The following SCHIP1 variants were observed in gnomAD, a reference collection of about 807,000 sequenced individuals.
The protein encoded by SCHIP1 is schwannomin-interacting protein 1.
In SCHIP1, 8 loss-of-function variants were observed where a neutral mutation model predicts 29.7. The ratio of observed to expected loss-of-function variants is 0.27; its 90% confidence interval spans 0.16 to 0.49. The LOEUF (loss-of-function observed/expected upper bound fraction) is 0.49. Among genes scored for constraint, SCHIP1 ranks in the 20% least tolerant of loss-of-function variants. The pLI is 0.99. For synonymous variants in SCHIP1, 76 were observed against 94.9 expected (o/e 0.80, Z 1.16); for missense variants, 193 against 294.6 (o/e 0.66, Z 2.52).
chr3:159,705,333 G>T, the SCHIP1 span, among the ~76,000 whole-genome samples: 3 of 152,076 alleles, frequency 2.0e-5, no homozygotes, highest in Non-Finnish European at 4.4e-5. Flanking sequence ...TGACCACATT[G>T]TCTTCAGGAA....
the SCHIP1 span, among the ~76,000 whole-genome samples, chr3:159,581,502 C>T: frequency 2.6e-5 from 4 of 152,178 alleles, no homozygotes; most frequent in Non-Finnish European, 4.4e-5. Flanking sequence ...GGGAGCCAAA[C>T]GCAAGGGTGG....
chr3:159,424,384 G>C, the SCHIP1 span, among the ~76,000 whole-genome samples: 4 of 152,174 alleles, frequency 2.6e-5, no homozygotes, highest in Non-Finnish European at 4.4e-5. Context: ...CGAGAACTAT[G>C]TGAAGAATGC....
the SCHIP1 span, among the ~76,000 whole-genome samples, chr3:159,389,299 T>C: frequency 1.3e-5 from 2 of 152,098 alleles, no homozygotes; most frequent in Admixed American, 6.6e-5. Flanking sequence ...TTTTATTTTA[T>C]ATATTTTTTC....
the SCHIP1 span, among the ~76,000 whole-genome samples, chr3:159,672,076 A>C: frequency 6.6e-6 from 1 of 152,234 alleles, no homozygotes; most frequent in Non-Finnish European, 1.5e-5. Flanking sequence ...AAAATCTGAT[A>C]TCTCACAAGG....
At chr3:159,593,032 C>G in the SCHIP1 span, among the ~76,000 whole-genome samples, 1 of 152,104 alleles carries the variant, frequency 6.6e-6, no homozygotes, top group African/African-American at 2.4e-5. Context: ...ATTGTGTGCC[C>G]TCCAACAACA....
chr3:159,390,980 A>G, the SCHIP1 span, among the ~76,000 whole-genome samples: 1 of 152,164 alleles, frequency 6.6e-6, no homozygotes, highest in Non-Finnish European at 1.5e-5. Context: ...AAAATGCTGA[A>G]ATCATCAGAG....
chr3:159,297,074 ATTG>A, the SCHIP1 span, among the ~76,000 whole-genome samples: 1 of 150,422 alleles, frequency 6.6e-6, no homozygotes, highest in Non-Finnish European at 1.5e-5. Flanking sequence ...AGGTTGATCC[ATTG>A]TTGTTGTAAG....
At chr3:159,432,740 T>C in the SCHIP1 span, among the ~76,000 whole-genome samples, 1 of 152,334 alleles carries the variant, frequency 6.6e-6, no homozygotes, top group East Asian at 1.9e-4. Flanking sequence ...CAGAGCATAC[T>C]ATCACTCAAT....
the SCHIP1 span, among the ~76,000 whole-genome samples, chr3:159,613,167 A>C: frequency 4.6e-5 from 7 of 152,214 alleles, no homozygotes; most frequent in Non-Finnish European, 8.8e-5. Context: ...TACTGTATAA[A>C]CCAAGACAAA....
chr3:159,703,943 GAGA>G, the SCHIP1 span, among the ~76,000 whole-genome samples: 1 of 152,072 alleles, frequency 6.6e-6, no homozygotes, highest in Non-Finnish European at 1.5e-5. Context: ...CACATCCTCT[GAGA>G]AGTTCTTCTT....
chr3:159,407,986 C>A, the SCHIP1 span, among the ~76,000 whole-genome samples: 2 of 152,080 alleles, frequency 1.3e-5, no homozygotes, highest in Non-Finnish European at 2.9e-5. Flanking sequence ...AAAGCAAGAG[C>A]AAAGCAAACC....
At chr3:159,379,706 T>C in the SCHIP1 span, among the ~76,000 whole-genome samples, 5 of 151,434 alleles carry the variant, frequency 3.3e-5, no homozygotes, top group South Asian at 6.2e-4. Flanking sequence ...CTCAGAGTTA[T>C]GGACACCATA....
the SCHIP1 span, among the ~76,000 whole-genome samples, chr3:159,383,058 G>C: frequency 1.3e-5 from 2 of 149,926 alleles, no homozygotes; most frequent in Middle Eastern, 3.4e-3. Flanking sequence ...TTTGTAGGTT[G>C]CCTGTTCACT....
rs1215811200 is a variant in SCHIP1 at position 159,892,202 on chromosome 3, T to A, written c.683+12T>A. ...GAAGACTTGACCAGGTCAGTGTGGC[T>A]TCACTCTTGCCAAAGAAGAAAAGCC... On this transcript the variant is annotated intron_variant, in intron 6 of 6. Coordinates refer to ENST00000445224, the Ensembl canonical transcript of SCHIP1. The A allele has an allele frequency of 6.2e-7, 1 of 1,614,066 alleles. No homozygotes were observed. The highest frequency in any genetic ancestry group is 1.7e-5 in the Admixed American group (1 of 60,024).
At chr3:159,770,530 A>G in the SCHIP1 span, among the ~76,000 whole-genome samples, 1 of 152,172 alleles carries the variant, frequency 6.6e-6, no homozygotes, top group Non-Finnish European at 1.5e-5. Flanking sequence ...AAGTGCTGGG[A>G]TTACAGGTGT....
the SCHIP1 span, among the ~76,000 whole-genome samples, chr3:159,790,141 T>C: frequency 6.6e-6 from 1 of 152,344 alleles, no homozygotes; most frequent in East Asian, 1.9e-4. Flanking sequence ...CTTTGGTATT[T>C]ACTGGGCTGA....
intron 1 of SCHIP1, among the ~76,000 whole-genome samples, chr3:159,854,534 T>C (rs528627320): frequency 1.3e-5 from 2 of 152,278 alleles, no homozygotes; most frequent in South Asian, 2.1e-4. Context: ...TTTTCATCCC[T>C]TGTGATCCCC....
At chr3:159,740,203 A>G in the SCHIP1 span, among the ~76,000 whole-genome samples, 3 of 152,228 alleles carry the variant, frequency 2.0e-5, no homozygotes, top group Non-Finnish European at 4.4e-5. Context: ...CTCAATTCTC[A>G]TTTGAGGGGA....
chr3:159,709,167 A>T, the SCHIP1 span, among the ~76,000 whole-genome samples: 4 of 152,190 alleles, frequency 2.6e-5, no homozygotes, highest in Admixed American at 2.6e-4. Flanking sequence ...CTTAAAAAGT[A>T]TACAAATGAA....
Sources: gnomAD v4.1 joint callset for allele counts (sites outside exome capture counted in the v4.1 genomes callset) on GRCh38, gnomAD v4.1.1 for gene constraint, MANE v1.5 for transcripts, NCBI Gene and HGNC (gene_info 2026-07-23, HGNC 2026-07-21) for gene names.